Variants in KCNH1 observed in about 807,000 individuals in gnomAD.
The protein encoded by KCNH1 is potassium voltage-gated channel subfamily H member 1.
In KCNH1, 27 loss-of-function variants were observed where a neutral mutation model predicts 69.2. The observed-to-expected ratio is 0.39, with a 90% CI of 0.29 to 0.54. The LOEUF is 0.54. Among genes scored for constraint, KCNH1 ranks in the 20% least tolerant of loss-of-function variants. The probability of loss-of-function intolerance (pLI) is 0.68; values close to 1 mark genes in which losing one functional copy is unlikely to be tolerated. For synonymous variants in KCNH1, 456 were observed against 487.7 expected (o/e 0.93, Z 0.86); for missense variants, 798 against 1,261.6 (o/e 0.63, Z 5.57).
At chr1:210,857,897 G>A (rs758623078) in intron 7 of KCNH1, among the ~76,000 whole-genome samples, 5 of 152,090 alleles carry the variant, frequency 3.3e-5, no homozygotes, top group Non-Finnish European at 7.4e-5. Flanking sequence ...TTTCTGGAGG[G>A]AACCACATGC....
In KCNH1 at chr1:210,700,459, T is replaced by C. The variant is rs543675158; in HGVS notation, c.2113-16321A>G. On this transcript the variant is annotated intron_variant, in intron 10 of 10. Transcript: ENST00000271751. ...CAAGTACCTTCTGACTCCTTTAAAGTTGCTCTGCCTGGGTTTCAACAGCAC... is the reference window on the plus strand; with the variant it reads ...CAAGTACCTTCTGACTCCTTTAAAGCTGCTCTGCCTGGGTTTCAACAGCAC... 1.6e-4 allele frequency among the ~76,000 whole-genome samples: 24 copies of C among 152,302 alleles called. 1 individual carries two copies. The South Asian group carries it at 5.0e-3, about 32-fold the overall frequency.
chr1:211,039,792 G>T (rs1689957677), intron 5 of KCNH1, among the ~76,000 whole-genome samples: 1 of 152,212 alleles, frequency 6.6e-6, no homozygotes, highest in Admixed American at 6.5e-5. Flanking sequence ...TGTCTAGGAA[G>T]TAACTAGCTT....
chr1:210,996,383 T>C (rs1186025528), intron 6 of KCNH1, among the ~76,000 whole-genome samples: 4 of 152,204 alleles, frequency 2.6e-5, no homozygotes, highest in Non-Finnish European at 5.9e-5. Flanking sequence ...GTCTCGCTCA[T>C]TGCTAGCACA....
chr1:210,683,761 A>G lies in KCNH1; in HGVS notation c.2490T>C (p.Asp830=), dbSNP rs1681334148. Residue 830 remains aspartate (D), a synonymous_variant, in exon 11 of 11, where the codon GAT becomes GAC. Transcript: ENST00000271751. The surrounding 1 kb of genome is among the most constrained non-coding windows in gnomAD (Gnocchi z 5.7). ...GGGCCCAGCTTTTGCGCTTGGCACA[A>G]TCGCCCCCGCCCCCCTTGGGGCCCA... The part of the protein sequence containing the change: ...ECLGPKGGGG[D]CAKRKSWARF... The G allele has an allele frequency of 6.2e-7, 1 of 1,613,922 alleles. No homozygotes were observed. Among genetic ancestry groups the G allele is most frequent in the South Asian group, 1.1e-5 (1 of 91,072 alleles).
At chr1:210,967,303 C>T (rs1247112868) in intron 6 of KCNH1, among the ~76,000 whole-genome samples, 1 of 151,926 alleles carries the variant, frequency 6.6e-6, no homozygotes, top group Non-Finnish European at 1.5e-5. Context: ...GCACATGTAC[C>T]CCAGAACTTA....
chr1:210,810,527 C>T (rs1684680879), intron 7 of KCNH1, among the ~76,000 whole-genome samples: 1 of 152,032 alleles, frequency 6.6e-6, no homozygotes, highest in Non-Finnish European at 1.5e-5. Flanking sequence ...AGATGTTGGA[C>T]TCCTAGATTG....
intron 6 of KCNH1, among the ~76,000 whole-genome samples, chr1:211,014,132 C>T (rs1689450422): frequency 1.3e-5 from 2 of 152,300 alleles, no homozygotes; most frequent in Admixed American, 1.3e-4. Flanking sequence ...AGCATTGTCA[C>T]CTGGGAGATA....
intron 6 of KCNH1, among the ~76,000 whole-genome samples, chr1:210,969,720 T>G (rs979239537): frequency 6.6e-6 from 1 of 152,178 alleles, no homozygotes; most frequent in Non-Finnish European, 1.5e-5. Flanking sequence ...ATTGCTAATC[T>G]TGCCTGTGTA....
At chr1:211,016,784 C>T (rs112510262) in intron 6 of KCNH1, among the ~76,000 whole-genome samples, 10,903 of 151,600 alleles carry the variant, frequency 0.072, 535 homozygotes, top group South Asian at 0.18. Flanking sequence ...TGACACGTGC[C>T]TATAATCCCA....
At chr1:210,714,182 TTC>T (rs1323304550) in intron 10 of KCNH1, among the ~76,000 whole-genome samples, 3 of 152,150 alleles carry the variant, frequency 2.0e-5, no homozygotes, top group African/African-American at 4.8e-5. Context: ...TCCAATCAAC[TTC>T]TCTGTTTAAT....
intron 9 of KCNH1, among the ~76,000 whole-genome samples, chr1:210,776,180 A>G (rs866359485): frequency 5.9e-5 from 9 of 152,262 alleles, no homozygotes; most frequent in Middle Eastern, 3.4e-3. Flanking sequence ...TTCTCTCCTT[A>G]CCATAGCATG....
chr1:210,735,417 AGTGAGTGT>A (rs1426913118), intron 10 of KCNH1, among the ~76,000 whole-genome samples: 1,487 of 115,952 alleles, frequency 0.013, 13 homozygotes, highest in Middle Eastern at 0.021. Flanking sequence ...TGAATGAGTG[AGTGAGTGT>A]GTGTGTGTGT....
intron 1 of KCNH1, among the ~76,000 whole-genome samples, chr1:211,127,872 T>C (rs550886078): frequency 1.3e-5 from 2 of 152,234 alleles, no homozygotes; most frequent in Admixed American, 6.5e-5. Context: ...GCCCACATGC[T>C]CCAAAAGACA....
At position 210,683,716 on chromosome 1, in the gene KCNH1, C is replaced by G. The variant is rs1681332641; in HGVS notation, c.2535G>C (p.Gly845=). The G allele has an allele frequency of 6.2e-7, 1 of 1,614,110 alleles. No homozygotes were observed. The highest frequency in any genetic ancestry group is 8.5e-7 in the Non-Finnish European group (1 of 1,180,052). ...ACACCTTGTTCCAGTCCTCACTCTT[C>G]CCGCAAGCATCTTTGAAGCGGGCCC... ...KSWARFKDAC[G]KSEDWNKVSK... Residue 845 remains glycine, a synonymous_variant, in exon 11 of 11, where the codon GGG becomes GGC. Coordinates refer to ENST00000271751, the MANE Select transcript of KCNH1 (RefSeq NM_172362.3). This position sits in a 1 kb window ranked among gnomAD's most constrained non-coding sequence, Gnocchi z 5.7.
At chr1:211,093,368 C>T (rs2102475394) in intron 3 of KCNH1, among the ~76,000 whole-genome samples, 1 of 152,228 alleles carries the variant, frequency 6.6e-6, no homozygotes, top group East Asian at 1.9e-4. Flanking sequence ...TCACTGCAAC[C>T]TCCACATCCT....
intron 5 of KCNH1, among the ~76,000 whole-genome samples, chr1:211,074,097 T>A (rs1361340955): frequency 2.2e-3 from 264 of 119,614 alleles, no homozygotes; most frequent in Non-Finnish European, 2.5e-3. Flanking sequence ...TTCCACCAAT[T>A]AAAAAAAAAA....
At chr1:210,794,488 T>A (rs555631774) in intron 9 of KCNH1, among the ~76,000 whole-genome samples, 11 of 152,264 alleles carry the variant, frequency 7.2e-5, no homozygotes, top group African/African-American at 2.6e-4. Flanking sequence ...CCCTCTAGAT[T>A]TAGAGACGCA....
chr1:210,941,333 C>G (rs1687871869), intron 6 of KCNH1, among the ~76,000 whole-genome samples: 1 of 152,228 alleles, frequency 6.6e-6, no homozygotes, highest in South Asian at 2.1e-4. Flanking sequence ...AGGTAGAAGC[C>G]TCCAAACATG....
intron 10 of KCNH1, among the ~76,000 whole-genome samples, chr1:210,731,975 G>A (rs1255433064): frequency 1.3e-5 from 2 of 152,074 alleles, no homozygotes; most frequent in Non-Finnish European, 2.9e-5. Flanking sequence ...AAACAAATGA[G>A]TATTCTTGGG....
Sources: allele counts gnomAD v4.1 joint callset (sites outside exome capture counted in the v4.1 genomes callset), GRCh38; gene constraint gnomAD v4.1.1; non-coding constraint Gnocchi (gnomAD v3.1); transcripts MANE v1.5; gene names NCBI Gene and HGNC (gene_info 2026-07-23, HGNC 2026-07-21).